The following TSPAN14 variants were observed in gnomAD, a reference collection of about 807,000 sequenced individuals.
TSPAN14 encodes the protein tetraspanin 14, also known as tetraspanin-14.
Under a neutral mutation model 36.6 loss-of-function variants are expected in TSPAN14, and 16 were observed. The ratio of observed to expected loss-of-function variants is 0.44; its 90% CI spans 0.30 to 0.66. The LOEUF (loss-of-function observed/expected upper bound fraction) is 0.66, where lower values mean the gene tolerates loss of function less well. Ranked by LOEUF, TSPAN14 falls within the 30% of genes least tolerant of loss-of-function variation. The pLI is 0.12. For synonymous variants in TSPAN14, 139 were observed against 143.8 expected, an observed-to-expected ratio of 0.97 and a Z score of 0.24; for missense variants, 231 against 355.1, an observed-to-expected ratio of 0.65 and a Z score of 2.81.
At chr10:80,497,084 A>G (rs561810400) in intron 2 of TSPAN14, among the ~76,000 whole-genome samples, 1 of 152,210 alleles carries the variant, frequency 6.6e-6, no homozygotes, top group South Asian at 2.1e-4. Context: ...CTTTCATTTA[A>G]TATCATATGT....
chr10:80,492,317 G>T (rs2132018701), intron 2 of TSPAN14, among the ~76,000 whole-genome samples: 1 of 152,276 alleles, frequency 6.6e-6, no homozygotes, highest in East Asian at 1.9e-4. Context: ...CAAAGCCCAG[G>T]TAGATGATTT....
At chr10:80,520,175 A>G (rs529439110) in exon 9 of TSPAN14, 2 of 169,104 alleles carry the variant, frequency 1.2e-5, no homozygotes, top group East Asian at 1.8e-4. Context: ...GGGTGGCCAC[A>G]GACCCTCCCT....
chr10:80,508,318 C>A (rs896504613), intron 4 of TSPAN14, among the ~76,000 whole-genome samples: 2 of 152,108 alleles, frequency 1.3e-5, no homozygotes, highest in African/African-American at 4.8e-5. Flanking sequence ...CGGGGTTTCA[C>A]CGTGTTAGCC....
exon 9 of TSPAN14, chr10:80,521,292 C>G: frequency 6.1e-6 from 1 of 163,194 alleles, no homozygotes; most frequent in Non-Finnish European, 1.4e-5. Flanking sequence ...GCAGTGGTCC[C>G]AGCACCTGAG....
intron 1 of TSPAN14, among the ~76,000 whole-genome samples, chr10:80,484,886 T>A (rs1419893844): frequency 1.3e-5 from 2 of 152,200 alleles, no homozygotes; most frequent in African/African-American, 4.8e-5. Context: ...GCATATGCCC[T>A]TTAAATCTGT....
At chr10:80,471,950 T>A (rs1431264080) in intron 1 of TSPAN14, among the ~76,000 whole-genome samples, 1 of 152,060 alleles carries the variant, frequency 6.6e-6, no homozygotes, top group Non-Finnish European at 1.5e-5. Flanking sequence ...CCCGAGGCAG[T>A]AGGATGGCTT....
intron 3 of TSPAN14, among the ~76,000 whole-genome samples, chr10:80,505,680 G>C (rs183488828): frequency 6.6e-6 from 1 of 152,320 alleles, no homozygotes; most frequent in African/African-American, 2.4e-5. Flanking sequence ...AAGGGCAAGA[G>C]CTGGGGTACG....
At chr10:80,490,646 A>G (rs1589271577) in intron 2 of TSPAN14, among the ~76,000 whole-genome samples, 2 of 152,082 alleles carry the variant, frequency 1.3e-5, no homozygotes. Flanking sequence ...GTGGATAGAA[A>G]CCCAGCTGGA....
chr10:80,475,335 A>G (rs573611326), intron 1 of TSPAN14, among the ~76,000 whole-genome samples: 1 of 152,318 alleles, frequency 6.6e-6, no homozygotes, highest in South Asian at 2.1e-4. Flanking sequence ...GGGAGACTGC[A>G]GAGGGAGGAT....
At chr10:80,510,377 T>G (rs1840548584) in intron 5 of TSPAN14, among the ~76,000 whole-genome samples, 1 of 152,212 alleles carries the variant, frequency 6.6e-6, no homozygotes, top group African/African-American at 2.4e-5. Flanking sequence ...CCTGTATTGT[T>G]ATTACTAATG....
At chr10:80,490,751 T>G (rs959414110) in intron 2 of TSPAN14, among the ~76,000 whole-genome samples, 2 of 152,090 alleles carry the variant, frequency 1.3e-5, no homozygotes, top group African/African-American at 4.8e-5. Context: ...GAAGAAAAAT[T>G]TGGACACTGG....
intron 1 of TSPAN14, among the ~76,000 whole-genome samples, chr10:80,482,613 A>T (rs935633058): frequency 6.6e-6 from 1 of 150,914 alleles, no homozygotes; most frequent in Non-Finnish European, 1.5e-5. Flanking sequence ...TTAGTTGTGC[A>T]TGTGAGTGTG....
chr10:80,488,547 G>T (rs186766040), intron 1 of TSPAN14, among the ~76,000 whole-genome samples: 1 of 152,262 alleles, frequency 6.6e-6, no homozygotes, highest in African/African-American at 2.4e-5. Flanking sequence ...GAGTGACAGG[G>T]GAGGGAGGGA....
chr10:80,490,792 T>C lies in TSPAN14; in HGVS notation c.81+1478T>C, dbSNP rs1847884810. The stretch of plus-strand genomic sequence containing the variant: ...GATGGTCAAGGGATTAAGGGAGATA[T>C]AGCATGTGTTTATTGCCAGTGGGAT... On this transcript the variant is annotated intron_variant, in intron 2 of 8. Transcript: ENST00000429989. 4.6e-5 allele frequency among the ~76,000 whole-genome samples: 7 copies of C among 152,166 alleles called. No individual in the cohort carries two copies. In the South Asian group the frequency reaches 1.4e-3, roughly 32 times the overall value.
chr10:80,500,546 C>T (rs1848452735), intron 2 of TSPAN14, among the ~76,000 whole-genome samples: 1 of 151,960 alleles, frequency 6.6e-6, no homozygotes, highest in Non-Finnish European at 1.5e-5. Flanking sequence ...TGAGGCCGGT[C>T]TCAAACTCTT....
At chr10:80,475,591 C>CT (rs551724209) in intron 1 of TSPAN14, among the ~76,000 whole-genome samples, 59 of 151,910 alleles carry the variant, frequency 3.9e-4, no homozygotes, top group African/African-American at 8.7e-4. Context: ...TTTCCCCATC[C>CT]TTTTTTTTGT....
intron 1 of TSPAN14, among the ~76,000 whole-genome samples, chr10:80,475,275 A>G (rs1047507392): frequency 5.9e-5 from 9 of 152,220 alleles, no homozygotes; most frequent in African/African-American, 1.9e-4. Context: ...CTGTAAATCT[A>G]AAAGTTTTGG....
At chr10:80,484,273 G>T (rs745358864) in intron 1 of TSPAN14, among the ~76,000 whole-genome samples, 26 of 151,802 alleles carry the variant, frequency 1.7e-4, no homozygotes, top group African/African-American at 6.0e-4. Flanking sequence ...AGTATATCTG[G>T]GTTGTCTTTA....
intron 1 of TSPAN14, among the ~76,000 whole-genome samples, chr10:80,479,929 G>A (rs1406857407): frequency 4.8e-5 from 7 of 146,400 alleles, no homozygotes; most frequent in Non-Finnish European, 7.5e-5. Context: ...CCATGAGCAT[G>A]GAATGTTCTT....
Sources: allele counts gnomAD v4.1 joint callset (sites outside exome capture counted in the v4.1 genomes callset), GRCh38; gene constraint gnomAD v4.1.1; transcripts MANE v1.5; gene names NCBI Gene and HGNC (gene_info 2026-07-23, HGNC 2026-07-21).